CHFR: variants seen among roughly 807,000 people sequenced by gnomAD.
CHFR encodes E3 ubiquitin-protein ligase CHFR.
CHFR carries 57 observed loss-of-function variants against 87.6 expected under a neutral mutation model. The ratio of observed to expected loss-of-function variants is 0.65; its 90% confidence interval spans 0.53 to 0.81. CHFR has a LOEUF of 0.81. Ranked by LOEUF, CHFR falls within the 30% of genes least tolerant of loss-of-function variation. The pLI, the probability that CHFR is intolerant of heterozygous loss-of-function variation, is 0.00. For missense variants in CHFR, 797 were observed against 865.8 expected, an observed-to-expected ratio of 0.92 and a Z score of 1.00; for synonymous variants, 381 against 359.2, an observed-to-expected ratio of 1.06 and a Z score of -0.69.
rs1292594475 is a variant in CHFR at position 132,887,262 on chromosome 12, C to A, written c.67G>T (p.Gly23Cys). ...PQPWGRLLRL[G>C]AEEGEPHVLL... ...ACGTGCGGCTCGCCCTCCTCCGCGC[C>A]CAGACGCAGGAGCCGTCCCCAGGGC... The change falls in exon 2 of 18, where the codon GGC becomes TGC. Residue 23 changes from glycine (G) to cysteine (C), a missense_variant. Coordinates refer to ENST00000450056, the MANE Select transcript of CHFR (RefSeq NM_001161346.2). The A allele has an allele frequency of 6.7e-7, 1 of 1,502,048 alleles. No homozygotes were observed. The highest frequency in any genetic ancestry group is 2.2e-5 in the Admixed American group (1 of 46,476). The allele number at this position is 1,502,048 out of a possible 1,614,324, so 93.0% of individuals were successfully genotyped here.
chr12:132,863,470 A>T (rs962193338), intron 6 of CHFR, among the ~76,000 whole-genome samples: 2 of 152,010 alleles, frequency 1.3e-5, no homozygotes, highest in African/African-American at 2.4e-5. Context: ...GCGCCATTGC[A>T]CTCCAGCCTG....
intron 4 of CHFR, 39 bp downstream of exon 4, chr12:132,872,246 C>G (rs777028366): frequency 5.1e-6 from 7 of 1,359,496 alleles, no homozygotes; most frequent in Admixed American, 5.0e-5. Context: ...CGTGCACCCC[C>G]GTGCGGGTCT....
intron 6 of CHFR, among the ~76,000 whole-genome samples, chr12:132,868,286 C>T (rs1171468327): frequency 2.6e-5 from 4 of 152,144 alleles, no homozygotes; most frequent in South Asian, 2.1e-4. Flanking sequence ...GTCAGGAGAT[C>T]GAGACCATCC....
intron 17 of CHFR, among the ~76,000 whole-genome samples, chr12:132,842,421 T>C (rs1260292071): frequency 6.6e-6 from 1 of 152,252 alleles, no homozygotes; most frequent in Admixed American, 6.5e-5. Flanking sequence ...AAAATCCCTG[T>C]GAGGGAGGCG....
rs1950633637 is a variant in CHFR at position 132,834,572 on chromosome 12, A to G, written c.*6982T>C. The G allele has an allele frequency of 6.6e-6, 1 of 152,284 alleles. No individual in the cohort carries two copies. The highest frequency in any genetic ancestry group is 2.1e-4 in the South Asian group (1 of 4,822). The allele number at this position is 152,284 out of a possible 1,614,324, so 9.4% of individuals were successfully genotyped here. ...GGCTGGTTCCTTCTGGTGGCCCTGCAGGGAGATCTGTTTTCTTTTCTGCTT... is the reference window on the plus strand; with the variant it reads ...GGCTGGTTCCTTCTGGTGGCCCTGCGGGGAGATCTGTTTTCTTTTCTGCTT... On this transcript the variant is annotated 3_prime_UTR_variant, in exon 18 of 18. Transcript: ENST00000450056.
chr12:132,886,722 T>C (rs1167861995), intron 2 of CHFR, among the ~76,000 whole-genome samples: 3 of 152,234 alleles, frequency 2.0e-5, no homozygotes, highest in Non-Finnish European at 4.4e-5. Flanking sequence ...TAAATTTCCC[T>C]CTGAGTACTG....
Position 132,844,049 on chromosome 12 carries a change from G to T in CHFR, c.1821C>A (p.Asn607Lys). ...FRELTYQYRQ[N>K]IPASELPVAV... Reference sequence around the variant, plus strand: ...TACCTGGCAACTCGGAAGCAGGAATGTTCTGCCGATACTGATAGGTCAGCT... The same window carrying T: ...TACCTGGCAACTCGGAAGCAGGAATTTTCTGCCGATACTGATAGGTCAGCT... The change falls in exon 16 of 18, where the codon AAC (asparagine) becomes AAA (lysine). Residue 607 changes from asparagine to lysine, a missense_variant. By Grantham distance (94) the Asn-to-Lys change is moderately conservative (BLOSUM62 0). Coordinates refer to ENST00000450056, the MANE Select transcript of CHFR (RefSeq NM_001161346.2). 6.2e-7 allele frequency: 1 copy of T among 1,613,200 alleles called. No homozygotes were observed. The highest frequency in any genetic ancestry group is 8.5e-7 in the Non-Finnish European group (1 of 1,179,242).
chr12:132,838,341 A>G lies in CHFR; in HGVS notation c.*3213T>C, dbSNP rs1295950917. 6.6e-6 allele frequency: 1 copy of G among 152,336 alleles called. No homozygotes were observed. The highest frequency in any genetic ancestry group is 1.5e-5 in the Non-Finnish European group (1 of 68,112). The allele number at this position is 152,336 out of a possible 1,614,324, so 9.4% of individuals were successfully genotyped here. On this transcript the variant is annotated 3_prime_UTR_variant, in exon 18 of 18. Transcript: ENST00000450056. ...TGAATCCCTCAGTCTGTTTTAAGCCAATCTGCCCAGACTTCCTGGCTGCAG... is the reference window on the plus strand; with the variant it reads ...TGAATCCCTCAGTCTGTTTTAAGCCGATCTGCCCAGACTTCCTGGCTGCAG...
chr12:132,848,762 T>C (rs1338448884), intron 12 of CHFR, 38 bp from the exon 13 acceptor site: 2 of 1,464,442 alleles, frequency 1.4e-6, no homozygotes. Flanking sequence ...CACTCAGCGC[T>C]GAGGGCTGTC....
chr12:132,845,900 TGTCA>T (rs1950811638), intron 15 of CHFR, among the ~76,000 whole-genome samples: 2 of 152,182 alleles, frequency 1.3e-5, no homozygotes, highest in African/African-American at 4.8e-5. Flanking sequence ...AATTGAAGCC[TGTCA>T]GTAACAGTAT....
chr12:132,835,563 G>C lies in CHFR; in HGVS notation c.*5991C>G, dbSNP rs536484358. ...CAGGAAGAGATTAGGGCACAAACAC[G>C]CATGAAGAGAAGATGACGTGAGAAC... On this transcript the variant is annotated 3_prime_UTR_variant, in exon 18 of 18. Coordinates refer to ENST00000450056, the MANE Select transcript of CHFR (RefSeq NM_001161346.2). 2 of 173,222 alleles carry C rather than the reference G, an allele frequency of 1.2e-5. No individual in the cohort carries two copies. Among genetic ancestry groups the C allele is most frequent in the South Asian group, 2.3e-4 (2 of 8,608 alleles). 10.7% of individuals were successfully genotyped at this position (173,222 alleles called of 1,614,324 possible). A position where few individuals can be genotyped will look rare whatever the true frequency, so the allele number is the denominator to read the frequency against.
At position 132,869,776 on chromosome 12, in the gene CHFR, CCCTGCA is replaced by C. The variant is rs1566196191; in HGVS notation, c.420_425del (p.Ala141_Gly142del). On this transcript the variant is annotated inframe_deletion, in exon 6 of 18. Transcript: ENST00000450056. ...GAGGGACCCGGGGATCGGCCCCTCG[CCCTGCA>C]CCTGCACCTGAGGTATCTTTGGTCC... 1.3e-6 allele frequency: 2 copies of C among 1,551,458 alleles called. No homozygotes were observed. Among genetic ancestry groups the C allele is most frequent in the Admixed American group, 2.0e-5 (1 of 51,002 alleles).
At chr12:132,858,725 TAAAAAAAAAAAA>T (rs60137048) in intron 8 of CHFR, among the ~76,000 whole-genome samples, 1 of 26,788 alleles carries the variant, frequency 3.7e-5, no homozygotes, top group Non-Finnish European at 5.7e-5. Context: ...AGACTCCATC[TAAAAAAAAAAAA>T]AAAAAAAAAA....
chr12:132,850,165 G>A (rs966162025), intron 12 of CHFR, among the ~76,000 whole-genome samples: 1 of 152,034 alleles, frequency 6.6e-6, no homozygotes, highest in African/African-American at 2.4e-5. Flanking sequence ...ATGTTAGCCA[G>A]GATGGTCTTG....
At position 132,887,559 on chromosome 12, in the gene CHFR, C is replaced by G. The variant is rs1460094658; in HGVS notation, c.-25G>C. 6.2e-6 allele frequency: 1 copy of G among 160,418 alleles called. No individual in the cohort carries two copies. Among genetic ancestry groups the G allele is most frequent in the African/African-American group, 2.4e-5 (1 of 41,516 alleles). 9.9% of individuals were successfully genotyped at this position (160,418 alleles called of 1,614,324 possible). ...CAGCCGCGCTTACCCCCGCCCCGCGCCGAACCCGGAACCGGCTGCGCCGCC... is the reference window on the plus strand; with the variant it reads ...CAGCCGCGCTTACCCCCGCCCCGCGGCGAACCCGGAACCGGCTGCGCCGCC... On this transcript the variant is annotated 5_prime_UTR_variant, in exon 1 of 18. Transcript: ENST00000450056.
At chr12:132,852,713 G>A (rs1465480839) in intron 11 of CHFR, among the ~76,000 whole-genome samples, 1 of 152,228 alleles carries the variant, frequency 6.6e-6, no homozygotes, top group Non-Finnish European at 1.5e-5. Context: ...CCATACCAAC[G>A]CCAAGCACTG....
At chr12:132,876,028 T>C (rs1481212336) in intron 3 of CHFR, among the ~76,000 whole-genome samples, 2 of 151,696 alleles carry the variant, frequency 1.3e-5, no homozygotes, top group East Asian at 2.0e-4. Context: ...CACAAAAAAA[T>C]AGCCGGGCTT....
chr12:132,841,734 T>C (rs1234090055), intron 17 of CHFR, 138 bp from the exon 18 acceptor site: 4 of 747,106 alleles, frequency 5.4e-6, no homozygotes, highest in Non-Finnish European at 9.6e-6. Context: ...TGAGAAAGAG[T>C]GTGTGTGCTT....
intron 5 of CHFR, among the ~76,000 whole-genome samples, chr12:132,870,160 G>A (rs1341608166): frequency 6.6e-6 from 1 of 152,076 alleles, no homozygotes; most frequent in Non-Finnish European, 1.5e-5. Context: ...AGGCCAACCT[G>A]GCTAACACGG....
Sources: allele counts gnomAD v4.1 joint callset (sites outside exome capture counted in the v4.1 genomes callset), GRCh38; gene constraint gnomAD v4.1.1; transcripts MANE v1.5; gene names NCBI Gene and HGNC (gene_info 2026-07-23, HGNC 2026-07-21).